The following FER1L6 variants were observed in gnomAD, a reference collection of about 807,000 sequenced individuals.
FER1L6 encodes the protein fer-1-like protein 6.
FER1L6 carries 177 observed loss-of-function variants against 219.2 expected under a neutral mutation model. That is an observed-to-expected ratio of 0.81 (90% CI 0.71 to 0.91). The LOEUF is 0.91. FER1L6 is among the 40% of genes least tolerant of loss of function. The pLI is 0.00. For synonymous variants in FER1L6, 768 were observed against 824.3 expected (o/e 0.93, Z 1.17); for missense variants, 2,153 against 2,259.9 (o/e 0.95, Z 0.96).
intron 1 of FER1L6, among the ~76,000 whole-genome samples, chr8:123,937,870 C>T (rs1290482596): frequency 1.3e-5 from 2 of 152,010 alleles, no homozygotes; most frequent in Non-Finnish European, 2.9e-5. Context: ...AAAAAAACCC[C>T]AAGAGATGAC....
intron 21 of FER1L6, among the ~76,000 whole-genome samples, chr8:124,048,087 A>G (rs573463231): frequency 3.0e-4 from 45 of 152,326 alleles, no homozygotes; most frequent in African/African-American, 1.0e-3. Flanking sequence ...ACCCATCCCC[A>G]AAACAGGTCT....
Position 124,060,664 on chromosome 8 carries a change from C to A in FER1L6, c.3102C>A (p.Tyr1034Ter). 6.2e-7 allele frequency: 1 copy of A among 1,614,086 alleles called. No homozygotes were observed. The highest frequency in any genetic ancestry group is 8.5e-7 in the Non-Finnish European group (1 of 1,179,974). Residue 1034 changes from tyrosine (Y) to a stop codon, truncating the protein, a stop_gained, in exon 24 of 41, where the codon TAC (tyrosine) becomes TAA (stop). Transcript: ENST00000522917. LOFTEE classifies it high-confidence loss of function. ...QGVKSCVIQS[Y>*]KNNPNFSIQA... ...TGAAGTCCTGCGTGATCCAGAGCTA[C>A]AAGAACAACCCGAACTTCAGCATCC... is the stretch of plus-strand genomic sequence containing the variant.
intron 1 of FER1L6, among the ~76,000 whole-genome samples, chr8:123,901,637 A>G (rs1812859711): frequency 1.3e-5 from 2 of 151,768 alleles, no homozygotes; most frequent in African/African-American, 4.8e-5. Flanking sequence ...GTAGGTGTGT[A>G]GGGCCATGAA....
chr8:124,098,502 T>A (rs551135668), intron 37 of FER1L6, among the ~76,000 whole-genome samples: 1 of 152,220 alleles, frequency 6.6e-6, no homozygotes, highest in Non-Finnish European at 1.5e-5. Flanking sequence ...GTCTCCAGAA[T>A]GTACGTTATC....
In FER1L6 at chr8:123,877,539, C is replaced by T. The variant is rs758833979; in HGVS notation, c.-8+25354C>T. Among the ~76,000 whole-genome samples the T allele has an allele frequency of 4.9e-4, 75 of 152,228 alleles. 1 individual carries two copies. Among genetic ancestry groups the T allele is most frequent in the Middle Eastern group, 3.4e-3 (1 of 294 alleles). ...GGGGGACATGGCCAAACACCTTCAGCAGTGGGCATGAGAAGGCTGTCATCC... is the reference window on the plus strand; with the variant it reads ...GGGGGACATGGCCAAACACCTTCAGTAGTGGGCATGAGAAGGCTGTCATCC... On this transcript the variant is annotated intron_variant, in intron 1 of 40. Transcript: ENST00000522917.
chr8:124,013,295 G>A (rs1304200296), intron 14 of FER1L6, 136 bp from the exon 15 acceptor site: 1 of 502,260 alleles, frequency 2.0e-6, no homozygotes, highest in Non-Finnish European at 3.5e-6. Flanking sequence ...TCAAGTACAA[G>A]AAAACTAGAT....
chr8:123,898,730 T>TG (rs1812795834), intron 1 of FER1L6, among the ~76,000 whole-genome samples: 1 of 144,644 alleles, frequency 6.9e-6, no homozygotes, highest in Non-Finnish European at 1.5e-5. Flanking sequence ...TGTGTATATA[T>TG]AGTATATATA....
intron 39 of FER1L6, among the ~76,000 whole-genome samples, chr8:124,109,510 TG>T (rs1822925849): frequency 6.6e-6 from 1 of 152,168 alleles, no homozygotes; most frequent in African/African-American, 2.4e-5. Context: ...GAAAATGATT[TG>T]GGGCTGCTTT....
chr8:123,981,661 G>T (rs1005026458), intron 11 of FER1L6, among the ~76,000 whole-genome samples: 1 of 152,160 alleles, frequency 6.6e-6, no homozygotes, highest in Admixed American at 6.5e-5. Context: ...AGAGGCATTT[G>T]TTTTGATTGC....
chr8:124,091,562 A>G lies in FER1L6; in HGVS notation c.4531A>G (p.Ile1511Val), dbSNP rs777193133. The G allele has an allele frequency of 4.3e-6, 7 of 1,614,074 alleles. No individual in the cohort carries two copies. The highest frequency in any genetic ancestry group is 2.2e-5 in the East Asian group (1 of 44,880). ...IGNQVFSGKTIFTEEDTDETV... is the reference protein window; with the variant it reads ...IGNQVFSGKTVFTEEDTDETV... ...AAACCAAGTCTTTTCTGGAAAAACTATCTTCACTGAAGAGGACACTGGTAA... is the reference window on the plus strand; with the variant it reads ...AAACCAAGTCTTTTCTGGAAAAACTGTCTTCACTGAAGAGGACACTGGTAA... The change falls in exon 34 of 41, where the codon ATC becomes GTC. Residue 1511 changes from isoleucine (I) to valine (V), a missense_variant. Physicochemically the swap from Ile to Val is conservative, Grantham distance 29. Coordinates refer to ENST00000522917, the MANE Select transcript of FER1L6 (RefSeq NM_001039112.2).
chr8:124,057,238 T>G (rs1157988703), intron 22 of FER1L6, among the ~76,000 whole-genome samples: 1 of 152,214 alleles, frequency 6.6e-6, no homozygotes, highest in Non-Finnish European at 1.5e-5. Context: ...TGTTTTGTTT[T>G]GTTTGCCTGG....
chr8:123,968,685 G>A (rs1184364576), intron 5 of FER1L6, among the ~76,000 whole-genome samples: 2 of 152,180 alleles, frequency 1.3e-5, no homozygotes, highest in African/African-American at 4.8e-5. Context: ...AATGTTGTAT[G>A]TATTGTCTTG....
intron 12 of FER1L6, among the ~76,000 whole-genome samples, chr8:123,996,568 T>G (rs985133555): frequency 6.6e-6 from 1 of 152,108 alleles, no homozygotes. Context: ...GGACCTTGTG[T>G]TTTTATTTAT....
At position 123,975,907 on chromosome 8, in the gene FER1L6, G is replaced by T; in HGVS notation, c.693G>T (p.Leu231Phe). 1 of 1,580,344 alleles carries T rather than the reference G, an allele frequency of 6.3e-7. No homozygotes were observed. Residue 231 changes from leucine to phenylalanine, a missense_variant, in exon 9 of 41, where the codon TTG becomes TTT. Leu to Phe is a conservative substitution (Grantham distance 22). Transcript: ENST00000522917. ...TTTGTCTCCCTCTAAGGAACCTTTT[G>T]ATCCCCAATGGGTTTCCACTGGAGA... ...DTEEPIEKNL[L>F]IPNGFPLERP...
intron 1 of FER1L6, among the ~76,000 whole-genome samples, chr8:123,918,141 C>G (rs1813243052): frequency 6.6e-6 from 1 of 152,026 alleles, no homozygotes. Context: ...AAAACCCCAT[C>G]TCTATAAAAA....
chr8:124,105,771 G>A (rs998150912), intron 39 of FER1L6, among the ~76,000 whole-genome samples: 11 of 152,156 alleles, frequency 7.2e-5, no homozygotes, highest in African/African-American at 2.4e-4. Context: ...CAGCTGATGA[G>A]TCCATTTTTA....
intron 6 of FER1L6, among the ~76,000 whole-genome samples, 166 bp from the exon 7 acceptor site, chr8:123,973,268 A>G (rs551297888): frequency 6.6e-6 from 1 of 152,188 alleles, no homozygotes; most frequent in Non-Finnish European, 1.5e-5. Flanking sequence ...AAATCCTGCT[A>G]AGAGCAAGAA....
In FER1L6 at chr8:124,103,168, C is replaced by G. The variant is rs191140809; in HGVS notation, c.5148C>G (p.Asn1716Lys). 337 of 1,614,076 alleles carry G rather than the reference C, an allele frequency of 2.1e-4. No homozygotes were observed. In the East Asian group the frequency reaches 6.1e-3, roughly 29 times the overall value. ...DFLGTLEMNL[N>K]SFPRAAKSAK... Reference sequence around the variant, plus strand: ...CAGGCACCCTGGAAATGAACCTCAACAGTTTCCCTCGAGCAGCTAAGTCTG... The same window carrying G: ...CAGGCACCCTGGAAATGAACCTCAAGAGTTTCCCTCGAGCAGCTAAGTCTG... The change falls in exon 39 of 41, where the codon AAC becomes AAG. Residue 1716 changes from asparagine to lysine, a missense_variant. By Grantham distance (94) the Asn-to-Lys change is moderately conservative. Transcript: ENST00000522917.
intron 2 of FER1L6, among the ~76,000 whole-genome samples, chr8:123,961,293 T>C (rs1042087929): frequency 2.0e-5 from 3 of 151,714 alleles, no homozygotes; most frequent in East Asian, 1.9e-4. Context: ...ATGTAGAAGC[T>C]TGGGCCCCAC....
Sources: gnomAD v4.1 joint callset for allele counts (sites outside exome capture counted in the v4.1 genomes callset) on GRCh38, gnomAD v4.1.1 for gene constraint, MANE v1.5 for transcripts, NCBI Gene and HGNC (gene_info 2026-07-23, HGNC 2026-07-21) for gene names.